The following BRAF variants were observed in gnomAD, a reference collection of about 807,000 sequenced individuals.
BRAF encodes serine/threonine-protein kinase B-raf.
A neutral mutation model predicts 104.6 loss-of-function variants in BRAF; 16 were observed. That is an observed-to-expected ratio of 0.15 (90% CI 0.10 to 0.23). The LOEUF (loss-of-function observed/expected upper bound fraction) is 0.23. Ranked by LOEUF, BRAF falls within the 10% of genes least tolerant of loss-of-function variation. The pLI is 1.00. For synonymous variants in BRAF, 310 were observed against 341.6 expected, an observed-to-expected ratio of 0.91 and a Z score of 1.02; for missense variants, 541 against 937.3, an observed-to-expected ratio of 0.58 and a Z score of 5.52.
intron 3 of BRAF, chr7:140,824,377 T>C (rs1805785290): frequency 6.6e-6 from 1 of 152,228 alleles, no homozygotes; most frequent in South Asian, 2.1e-4. Flanking sequence ...GATATTCAGT[T>C]GCCAGCATCA....
chr7:140,774,128 T>C (rs974262797), intron 14 of BRAF, among the ~76,000 whole-genome samples: 1 of 152,182 alleles, frequency 6.6e-6, no homozygotes, highest in Non-Finnish European at 1.5e-5. Context: ...AGAAACTATA[T>C]CCTCCTTGGT....
intron 16 of BRAF, 150 bp from the exon 16 acceptor site, chr7:140,749,568 G>C: frequency 1.2e-6 from 1 of 848,850 alleles, no homozygotes; most frequent in Non-Finnish European, 1.8e-6. Context: ...AAATAAAACT[G>C]ATTAAGCTGA....
At chr7:140,917,061 C>T (rs981310418) in intron 1 of BRAF, among the ~76,000 whole-genome samples, 16 of 152,166 alleles carry the variant, frequency 1.1e-4, no homozygotes, top group African/African-American at 3.9e-4. Context: ...AACTGGACAT[C>T]CATATGTAAA....
chr7:140,822,774 C>T (rs143663437), intron 3 of BRAF, among the ~76,000 whole-genome samples: 11 of 152,296 alleles, frequency 7.2e-5, no homozygotes, highest in African/African-American at 2.6e-4. Flanking sequence ...TCCCTTTTCT[C>T]TTGGGTAAAT....
chr7:140,742,076 A>G (rs1192045383), intron 17 of BRAF, among the ~76,000 whole-genome samples: 1 of 152,198 alleles, frequency 6.6e-6, no homozygotes, highest in Non-Finnish European at 1.5e-5. Flanking sequence ...GTGAGTGATA[A>G]CTTTTTGCTA....
chr7:140,784,089 C>G (rs1801130993), intron 10 of BRAF, among the ~76,000 whole-genome samples: 2 of 152,050 alleles, frequency 1.3e-5, no homozygotes, highest in Admixed American at 6.6e-5. Flanking sequence ...CTCAGATGTC[C>G]AGGCAATAGT....
At chr7:140,798,262 C>CTTTTTTTTTTTTTTTTTT (rs1025673669) in intron 7 of BRAF, among the ~76,000 whole-genome samples, 1 of 32,622 alleles carries the variant, frequency 3.1e-5, no homozygotes. Context: ...TGTATGGGGA[C>CTTTTTTTTTTTTTTTTTT]TTTTTTTTTC....
intron 17 of BRAF, among the ~76,000 whole-genome samples, chr7:140,745,898 C>T (rs1286555604): frequency 6.6e-6 from 1 of 152,096 alleles, no homozygotes; most frequent in Non-Finnish European, 1.5e-5. Flanking sequence ...TGAGAAAGAC[C>T]AATGAAGAGG....
At chr7:140,921,042 CATT>C (rs1818166715) in intron 1 of BRAF, among the ~76,000 whole-genome samples, 2 of 152,258 alleles carry the variant, frequency 1.3e-5, no homozygotes, top group Non-Finnish European at 1.5e-5. Context: ...CTAGTCAATA[CATT>C]ATTATAATTA....
intron 3 of BRAF, among the ~76,000 whole-genome samples, chr7:140,831,490 G>A (rs1806740447): frequency 6.6e-6 from 1 of 152,090 alleles, no homozygotes; most frequent in South Asian, 2.1e-4. Flanking sequence ...ATTTTGTTTA[G>A]AAAACGACTT....
chr7:140,844,705 C>T (rs969103348), intron 2 of BRAF, among the ~76,000 whole-genome samples: 2 of 152,168 alleles, frequency 1.3e-5, no homozygotes, highest in African/African-American at 4.8e-5. Flanking sequence ...GCAGGTGGAT[C>T]ACTTGAGGTC....
chr7:140,924,603 GCGGCGC>G lies in BRAF; in HGVS notation c.95_100del (p.Gly32_Ala33del), dbSNP rs397507458. The G allele has an allele frequency of 1.0e-4, 160 of 1,528,960 alleles. 4 individuals carry two copies. The highest frequency in any genetic ancestry group is 5.5e-4 in the Admixed American group (28 of 50,596). The allele number at this position is 1,528,960 out of a possible 1,614,324, so 94.7% of individuals were successfully genotyped here. A position where few individuals can be genotyped will look rare whatever the true frequency, so the allele number is the denominator to read the frequency against. ...GGCAGGGTCCGCAGCCGAAGAGGCCGCGGCGCCGGCGCCGGCGCCGGCCTCGGGCTC... is the reference window on the plus strand; with the variant it reads ...GGCAGGGTCCGCAGCCGAAGAGGCCGCGGCGCCGGCGCCGGCCTCGGGCTC... On this transcript the variant is annotated inframe_deletion, in exon 1 of 20. Coordinates refer to ENST00000644969, the MANE Select transcript of BRAF (RefSeq NM_001374258.1). The surrounding 1 kb of genome is among the most constrained non-coding windows in gnomAD (Gnocchi z 4.2).
intron 1 of BRAF, among the ~76,000 whole-genome samples, chr7:140,869,651 A>AC (rs1410952855): frequency 1.3e-5 from 2 of 150,150 alleles, no homozygotes; most frequent in Non-Finnish European, 2.9e-5. Flanking sequence ...AAAAAAAAAG[A>AC]AAAAAAAATC....
intron 14 of BRAF, among the ~76,000 whole-genome samples, chr7:140,771,429 G>A (rs1437570389): frequency 6.6e-6 from 1 of 152,058 alleles, no homozygotes; most frequent in East Asian, 1.9e-4. Context: ...CCTTGGCTCG[G>A]GCAATACTCC....
At chr7:140,803,042 C>G (rs1393065849) in intron 5 of BRAF, among the ~76,000 whole-genome samples, 1 of 152,196 alleles carries the variant, frequency 6.6e-6, no homozygotes, top group Non-Finnish European at 1.5e-5. Flanking sequence ...CACAAACTTG[C>G]CACTGTGTTA....
chr7:140,797,089 A>G (rs1802567078), intron 7 of BRAF, among the ~76,000 whole-genome samples: 1 of 152,176 alleles, frequency 6.6e-6, no homozygotes, highest in African/African-American at 2.4e-5. Context: ...GGCAGTCGGC[A>G]AACTGGCTTT....
In BRAF at chr7:140,753,883, G is replaced by C. The variant is rs1282049575; in HGVS notation, c.1861+304C>G. 4 of 433,876 alleles carry C rather than the reference G, an allele frequency of 9.2e-6. No homozygotes were observed. The East Asian group carries it at 1.8e-4, about 20-fold the overall frequency. 26.9% of individuals were successfully genotyped at this position (433,876 alleles called of 1,614,324 possible). A position where few individuals can be genotyped will look rare whatever the true frequency, so the allele number is the denominator to read the frequency against. On this transcript the variant is annotated intron_variant, in intron 15 of 19. Transcript: ENST00000644969. ...ACTGAGCAAGGTCAGAGGTCTGAAA[G>C]GGACTAATAGATAGCTACAAAACTA... is the stretch of plus-strand genomic sequence containing the variant.
chr7:140,741,823 C>A (rs1231529574), intron 17 of BRAF: 1 of 151,726 alleles, frequency 6.6e-6, no homozygotes, highest in East Asian at 1.9e-4. Flanking sequence ...CTGGGTGTGG[C>A]GGTATGTGCC....
intron 19 of BRAF, chr7:140,731,479 G>A (rs1044997164): frequency 3.9e-5 from 6 of 152,144 alleles, no homozygotes; most frequent in Non-Finnish European, 8.8e-5. Context: ...CTGATAAAAT[G>A]TTTCTGTCAT....
Sources: gnomAD v4.1 joint callset for allele counts (sites outside exome capture counted in the v4.1 genomes callset) on GRCh38, gnomAD v4.1.1 for gene constraint, Gnocchi (gnomAD v3.1) non-coding constraint, MANE v1.5 for transcripts, NCBI Gene and HGNC (gene_info 2026-07-23, HGNC 2026-07-21) for gene names.